Variants in SFMBT1 observed in about 807,000 individuals in gnomAD.
SFMBT1 encodes the protein scm-like with four MBT domains protein 1.
A neutral mutation model predicts 108.7 loss-of-function variants in SFMBT1; 32 were observed. The ratio of observed to expected loss-of-function variants is 0.29; its 90% CI spans 0.22 to 0.40. The LOEUF (loss-of-function observed/expected upper bound fraction) is 0.40. Among genes scored for constraint, SFMBT1 ranks in the 10% least tolerant of loss-of-function variants. The pLI is 1.00. For missense variants in SFMBT1, 816 were observed against 1,059.6 expected, an observed-to-expected ratio of 0.77 and a Z score of 3.19; for synonymous variants, 348 against 369.5, an observed-to-expected ratio of 0.94 and a Z score of 0.67.
intron 1 of SFMBT1, among the ~76,000 whole-genome samples, chr3:53,019,882 C>G (rs748614056): frequency 1.3e-5 from 2 of 152,118 alleles, no homozygotes; most frequent in Non-Finnish European, 2.9e-5. Flanking sequence ...TATACGAGGC[C>G]CTGCAAGATC....
intron 10 of SFMBT1, among the ~76,000 whole-genome samples, chr3:52,923,142 A>C (rs1345792529): frequency 6.6e-6 from 1 of 152,216 alleles, no homozygotes; most frequent in Non-Finnish European, 1.5e-5. Flanking sequence ...GAAAGTTAGG[A>C]CCAAAACAGA....
chr3:52,986,486 G>T (rs1265035706), intron 1 of SFMBT1, among the ~76,000 whole-genome samples: 1 of 151,566 alleles, frequency 6.6e-6, no homozygotes, highest in Non-Finnish European at 1.5e-5. Flanking sequence ...TATTTTTTTG[G>T]TCGGGCGCCA....
At chr3:52,913,662 C>A (rs749489152) in intron 14 of SFMBT1, 45 bp from the exon 15 acceptor site, 5 of 1,593,976 alleles carry the variant, frequency 3.1e-6, no homozygotes, top group Non-Finnish European at 2.6e-6. Context: ...TCATTCTCTA[C>A]CCCACGTTTC....
chr3:52,939,546 C>G (rs1243142449), intron 4 of SFMBT1, among the ~76,000 whole-genome samples: 1 of 152,102 alleles, frequency 6.6e-6, no homozygotes, highest in African/African-American at 2.4e-5. Flanking sequence ...TGTACTCCAG[C>G]CTGGGTGACA....
chr3:53,006,602 C>G (rs1698751000), intron 1 of SFMBT1, among the ~76,000 whole-genome samples: 1 of 148,256 alleles, frequency 6.7e-6, no homozygotes, highest in African/African-American at 2.6e-5. Context: ...GTACTCCAGC[C>G]TGGGCGACAG....
chr3:53,033,519 C>G (rs1219501777), intron 1 of SFMBT1, among the ~76,000 whole-genome samples: 1 of 151,994 alleles, frequency 6.6e-6, no homozygotes, highest in Non-Finnish European at 1.5e-5. Context: ...CAACTACAAG[C>G]TTTTATCAAA....
intron 1 of SFMBT1, among the ~76,000 whole-genome samples, chr3:53,027,967 C>T (rs530637029): frequency 4.4e-4 from 67 of 152,338 alleles, no homozygotes; most frequent in African/African-American, 1.5e-3. Context: ...GAACAGTAGG[C>T]ATAAATGGGT....
intron 4 of SFMBT1, among the ~76,000 whole-genome samples, chr3:52,936,304 A>C (rs1252854099): frequency 6.6e-6 from 1 of 152,256 alleles, no homozygotes; most frequent in East Asian, 1.9e-4. Context: ...CATAGAAAGA[A>C]GGCTTTCTTT....
At chr3:52,961,520 C>A (rs1406203958) in intron 2 of SFMBT1, among the ~76,000 whole-genome samples, 1 of 149,830 alleles carries the variant, frequency 6.7e-6, no homozygotes, top group African/African-American at 2.5e-5. Context: ...CTGTGAATAG[C>A]CACTGCACTC....
At chr3:52,990,715 A>G (rs190974846) in intron 1 of SFMBT1, among the ~76,000 whole-genome samples, 2 of 152,290 alleles carry the variant, frequency 1.3e-5, no homozygotes, top group Non-Finnish European at 2.9e-5. Context: ...GGATGGAAAG[A>G]AGGAAGGAAG....
At chr3:52,989,222 C>T (rs2106892130) in intron 1 of SFMBT1, among the ~76,000 whole-genome samples, 1 of 152,044 alleles carries the variant, frequency 6.6e-6, no homozygotes, top group Admixed American at 6.5e-5. Flanking sequence ...CTTACCAATT[C>T]CACTTTACAG....
Position 53,028,238 on chromosome 3 carries a change from C to T in SFMBT1, c.-131+17578G>A, listed in dbSNP as rs1489467267. 3.3e-5 allele frequency among the ~76,000 whole-genome samples: 5 copies of T among 152,270 alleles called. No individual in the cohort carries two copies. The South Asian group carries it at 8.3e-4, about 25-fold the overall frequency. ...CTGAGACTACAGGTGCACACCACCA[C>T]ACTCAACTAATTTTTGTATTTTTTG... On this transcript the variant is annotated intron_variant, in intron 1 of 20. Coordinates refer to ENST00000394752, the MANE Select transcript of SFMBT1 (RefSeq NM_016329.4).
intron 4 of SFMBT1, among the ~76,000 whole-genome samples, chr3:52,936,962 C>G (rs1038621017): frequency 4.7e-5 from 7 of 148,844 alleles, no homozygotes; most frequent in African/African-American, 1.7e-4. Flanking sequence ...CTGCCTCAGC[C>G]TCCTGAGTAG....
At chr3:52,919,522 A>G (rs1320869415) in intron 12 of SFMBT1, among the ~76,000 whole-genome samples, 1 of 152,184 alleles carries the variant, frequency 6.6e-6, no homozygotes, top group Non-Finnish European at 1.5e-5. Context: ...GTTGATTGCT[A>G]ATGAGTATAG....
At chr3:52,976,291 C>T (rs1704517490) in intron 1 of SFMBT1, among the ~76,000 whole-genome samples, 1 of 152,048 alleles carries the variant, frequency 6.6e-6, no homozygotes, top group African/African-American at 2.4e-5. Flanking sequence ...TAAGAAAAGA[C>T]AAACATCAAT....
chr3:52,939,216 T>C (rs567889597), intron 4 of SFMBT1, among the ~76,000 whole-genome samples: 1 of 152,238 alleles, frequency 6.6e-6, no homozygotes, highest in South Asian at 2.1e-4. Context: ...TTGATTTTCC[T>C]ACATACATAG....
intron 2 of SFMBT1, among the ~76,000 whole-genome samples, chr3:52,965,207 T>TAA (rs113855341): frequency 2.0e-4 from 29 of 147,320 alleles, no homozygotes; most frequent in African/African-American, 6.0e-4. Context: ...CCCAATTAAT[T>TAA]AAAAAAAAAC....
chr3:52,916,555 G>C (rs559915599), intron 13 of SFMBT1, among the ~76,000 whole-genome samples: 1 of 151,812 alleles, frequency 6.6e-6, no homozygotes, highest in African/African-American at 2.4e-5. Flanking sequence ...TGTAGTCCCA[G>C]CTACTAAGGA....
At chr3:52,987,072 T>C (rs963395847) in intron 1 of SFMBT1, among the ~76,000 whole-genome samples, 6 of 152,172 alleles carry the variant, frequency 3.9e-5, no homozygotes, top group African/African-American at 1.2e-4. Context: ...ATCATCAATA[T>C]CGTTGTCTTC....
Sources: gnomAD v4.1 joint callset for allele counts (sites outside exome capture counted in the v4.1 genomes callset) on GRCh38, gnomAD v4.1.1 for gene constraint, MANE v1.5 for transcripts, NCBI Gene and HGNC (gene_info 2026-07-23, HGNC 2026-07-21) for gene names.